Variants in MMP17 observed in about 807,000 individuals in gnomAD.
MMP17 encodes the protein matrix metalloproteinase-17.
A neutral mutation model predicts 49.1 loss-of-function variants in MMP17; 54 were observed. The ratio of observed to expected loss-of-function variants is 1.10; its 90% CI spans 0.88 to 1.38. The LOEUF is 1.38. Among genes scored for constraint, MMP17 ranks in the 40% most tolerant of loss-of-function variants. MMP17 has a pLI of 0.00. For synonymous variants in MMP17, 397 were observed against 383.1 expected, an observed-to-expected ratio of 1.04 and a Z score of -0.42; for missense variants, 837 against 853.7, an observed-to-expected ratio of 0.98 and a Z score of 0.24.
In MMP17 at chr12:131,849,811, A is replaced by C. The variant is rs1285942671; in HGVS notation, c.1214A>C (p.Tyr405Ser). 1 of 1,613,334 alleles carries C rather than the reference A, an allele frequency of 6.2e-7. No individual in the cohort carries two copies. The highest frequency in any genetic ancestry group is 8.5e-7 in the Non-Finnish European group (1 of 1,179,686). ...HKIVFFKGDR[Y>S]WVFKDNNVEE... Reference sequence around the variant, plus strand: ...TTTCTCTCGCCCCCAGGAGACAGGTACTGGGTGTTCAAGGACAATAACGTA... The same window carrying C: ...TTTCTCTCGCCCCCAGGAGACAGGTCCTGGGTGTTCAAGGACAATAACGTA... Residue 405 changes from tyrosine (Y) to serine (S), a missense_variant, in exon 9 of 10, where the codon TAC becomes TCC. Tyr to Ser is a moderately radical substitution (Grantham distance 144, BLOSUM62 -2). Coordinates refer to ENST00000360564, the MANE Select transcript of MMP17 (RefSeq NM_016155.7).
chr12:131,848,777 C>T (rs1165876421), intron 8 of MMP17, among the ~76,000 whole-genome samples: 4 of 152,168 alleles, frequency 2.6e-5, no homozygotes, highest in Admixed American at 1.3e-4. Flanking sequence ...TGAGGCTGAG[C>T]GGCATTCCAT....
intron 1 of MMP17, among the ~76,000 whole-genome samples, chr12:131,829,400 G>A (rs964918632): frequency 1.3e-5 from 2 of 152,208 alleles, no homozygotes; most frequent in East Asian, 3.9e-4. Flanking sequence ...TTCCGCAGCC[G>A]GGACTCGCGT....
chr12:131,840,394 G>T, intron 3 of MMP17, 179 bp from the exon 4 acceptor site: 1 of 609,128 alleles, frequency 1.6e-6, no homozygotes, highest in Non-Finnish European at 2.8e-6. Flanking sequence ...ATCTATCCCA[G>T]TGAACTACTG....
chr12:131,849,012 T>C (rs1198269215), intron 8 of MMP17, among the ~76,000 whole-genome samples: 1 of 152,164 alleles, frequency 6.6e-6, no homozygotes, highest in African/African-American at 2.4e-5. Flanking sequence ...GGCTGCACAA[T>C]TTCATACTCC....
chr12:131,840,932 C>T (rs1011914314), intron 4 of MMP17, 76 bp downstream of exon 4: 11 of 1,453,628 alleles, frequency 7.6e-6, no homozygotes, highest in East Asian at 2.4e-5. Context: ...CCATGGCCCC[C>T]CCATCCCCAA....
chr12:131,847,753 G>C (rs1314713165), intron 8 of MMP17, among the ~76,000 whole-genome samples: 1 of 152,276 alleles, frequency 6.6e-6, no homozygotes, highest in Non-Finnish European at 1.5e-5. Context: ...TGGTCACCTG[G>C]ATGAGGTGTG....
In MMP17 at chr12:131,828,603, TGCGCCGCGCCCGCACCC is replaced by T; in HGVS notation, c.119_135del (p.Pro40ArgfsTer21). 1.1e-6 allele frequency: 1 copy of T among 907,024 alleles called. No individual in the cohort carries two copies. The highest frequency in any genetic ancestry group is 1.4e-6 in the Non-Finnish European group (1 of 740,596). 56.2% of individuals were successfully genotyped at this position (907,024 alleles called of 1,614,324 possible). On this transcript the variant is annotated frameshift_variant, in exon 1 of 10. Transcript: ENST00000360564. ...GCTGGCGCTGGGGACCCGCGGGGGC[TGCGCCGCGCCCGCACCC>T]GCGCCGCGCGCCGAGGACCTCAGCC...
At chr12:131,844,943 GCGGTGGAC>G in intron 6 of MMP17, 167 bp from the exon 7 acceptor site, 1 of 405,492 alleles carries the variant, frequency 2.5e-6, no homozygotes, top group South Asian at 8.8e-5. Flanking sequence ...GCCCGCTGAA[GCGGTGGAC>G]AGGCACCCCC....
At chr12:131,838,085 A>T (rs1222647558) in intron 1 of MMP17, 110 bp from the exon 2 acceptor site, 1 of 1,358,544 alleles carries the variant, frequency 7.4e-7, no homozygotes, top group Non-Finnish European at 1.0e-6. Context: ...GTGGGCAGAT[A>T]GGGGGCTGGG....
chr12:131,846,067 G>A lies in MMP17; in HGVS notation c.1204+618G>A, dbSNP rs528295031. On this transcript the variant is annotated intron_variant, in intron 8 of 9. Coordinates refer to ENST00000360564, the MANE Select transcript of MMP17 (RefSeq NM_016155.7). This position sits in a 1 kb window ranked among gnomAD's most constrained non-coding sequence, Gnocchi z 4.6. ...GCCTCCAAGTCTCCGGGAAGGGCAG[G>A]AAAGGGAGACAGTAGCAGGGGCAGG... 6.6e-6 allele frequency among the ~76,000 whole-genome samples: 1 copy of A among 152,314 alleles called. No individual in the cohort carries two copies. Among genetic ancestry groups the A allele is most frequent in the African/African-American group, 2.4e-5 (1 of 41,574 alleles).
intron 6 of MMP17, 61 bp from the exon 7 acceptor site, chr12:131,845,057 G>C: frequency 6.9e-7 from 1 of 1,453,862 alleles, no homozygotes; most frequent in Admixed American, 1.7e-5. Context: ...TCTGCCGCAG[G>C]ATGCCCTGTC....
chr12:131,829,847 A>T (rs10794436), intron 1 of MMP17, among the ~76,000 whole-genome samples: 58,878 of 152,142 alleles, frequency 0.39, 11,577 homozygotes, highest in South Asian at 0.57. Flanking sequence ...CCCCGAAGCC[A>T]TCTGGGAGGG....
intron 1 of MMP17, among the ~76,000 whole-genome samples, chr12:131,830,390 C>T (rs555541925): frequency 6.6e-6 from 1 of 152,234 alleles, no homozygotes; most frequent in East Asian, 1.9e-4. Flanking sequence ...GGTGTCCAGC[C>T]GGAGAGGGAG....
At chr12:131,849,713 C>T (rs1056170031) in intron 8 of MMP17, 89 bp from the exon 9 acceptor site, 52 of 1,470,232 alleles carry the variant, frequency 3.5e-5, no homozygotes, top group African/African-American at 1.6e-4. Flanking sequence ...AGGGCAAGGG[C>T]GGCTGACACA....
chr12:131,844,947 T>TATCATTAAAA, intron 6 of MMP17, 171 bp from the exon 7 acceptor site: 1 of 419,766 alleles, frequency 2.4e-6, no homozygotes, highest in Non-Finnish European at 4.0e-6. Context: ...GCTGAAGCGG[T>TATCATTAAAA]GGACAGGCAC....
chr12:131,844,940 G>T, intron 6 of MMP17, 178 bp from the exon 7 acceptor site: 1 of 478,740 alleles, frequency 2.1e-6, no homozygotes, highest in Non-Finnish European at 3.6e-6. Flanking sequence ...CCCGCCCGCT[G>T]AAGCGGTGGA....
chr12:131,850,234 G>A (rs933538827), intron 9 of MMP17, among the ~76,000 whole-genome samples, 175 bp downstream of exon 9: 21 of 152,098 alleles, frequency 1.4e-4, no homozygotes, highest in African/African-American at 4.8e-4. Flanking sequence ...TCCCCGAGTC[G>A]CTCCCCGAAG....
rs1029937992 is a variant in MMP17, at chr12:131,846,869, G to A, written c.1204+1420G>A. ...TAAAGGGTGTTCTGCGTGTCTGTCA[G>A]GGGAACCACTTCCTGTAACTCCATC... On this transcript the variant is annotated intron_variant, in intron 8 of 9. Transcript: ENST00000360564. The surrounding 1 kb of genome is among the most constrained non-coding windows in gnomAD (Gnocchi z 4.6). Among the ~76,000 whole-genome samples the A allele has an allele frequency of 6.6e-6, 1 of 152,132 alleles. No individual in the cohort carries two copies. The highest frequency in any genetic ancestry group is 2.1e-4 in the South Asian group (1 of 4,822).
intron 1 of MMP17, among the ~76,000 whole-genome samples, chr12:131,833,642 C>T (rs1041906443): frequency 4.6e-5 from 7 of 152,256 alleles, no homozygotes; most frequent in Non-Finnish European, 8.8e-5. Flanking sequence ...GTTATCCACA[C>T]TCTCTGAGCC....
Sources: allele counts gnomAD v4.1 joint callset (sites outside exome capture counted in the v4.1 genomes callset), GRCh38; gene constraint gnomAD v4.1.1; non-coding constraint Gnocchi (gnomAD v3.1); transcripts MANE v1.5; gene names NCBI Gene and HGNC (gene_info 2026-07-23, HGNC 2026-07-21).